The following CPAP variants were observed in gnomAD, a reference collection of about 807,000 sequenced individuals.
CPAP encodes centrosomal P4.1-associated protein.
At chr13:24,905,949 C>T in the CPAP span, 4 of 1,614,072 alleles carry the variant, frequency 2.5e-6, no homozygotes, top group African/African-American at 5.3e-5. Context: ...CTATTTGGAA[C>T]ACCTTCATCG....
At chr13:24,906,163 TGTCTTCTGTG>T in the CPAP span, 1 of 1,613,822 alleles carries the variant, frequency 6.2e-7, no homozygotes, top group Non-Finnish European at 8.5e-7. Flanking sequence ...CTGCCGGATT[TGTCTTCTGTG>T]GCACAGCTTT....
chr13:24,886,175 A>G, the CPAP span: 1 of 545,738 alleles, frequency 1.8e-6, no homozygotes, highest in Non-Finnish European at 3.2e-6. Flanking sequence ...CTCTAAAAAT[A>G]CACTGAAGTG....
the CPAP span, chr13:24,886,020 G>A: frequency 8.0e-6 from 3 of 376,544 alleles, no homozygotes; most frequent in Non-Finnish European, 1.5e-5. Flanking sequence ...AAATAACTGG[G>A]TATTTAGTTA....
the CPAP span, among the ~76,000 whole-genome samples, chr13:24,920,559 G>A: frequency 6.3e-4 from 96 of 151,512 alleles, no homozygotes; most frequent in Non-Finnish European, 3.5e-4. Context: ...AACAAAAATT[G>A]CTGCCACAGG....
chr13:24,899,590 A>T, the CPAP span: 2 of 1,612,042 alleles, frequency 1.2e-6, no homozygotes, highest in Non-Finnish European at 1.7e-6. Context: ...CTTTCCTAAA[A>T]TGACCAAACT....
chr13:24,911,537 T>C, the CPAP span, among the ~76,000 whole-genome samples: 7 of 152,072 alleles, frequency 4.6e-5, no homozygotes, highest in African/African-American at 1.4e-4. Context: ...TTTTCTTCTA[T>C]TGGACCTTTT....
At chr13:24,915,802 A>AAACAACAAC in the CPAP span, among the ~76,000 whole-genome samples, 3 of 151,840 alleles carry the variant, frequency 2.0e-5, no homozygotes, top group African/African-American at 7.3e-5. Context: ...TCCATCTCGA[A>AAACAACAAC]AACAACAACA....
At chr13:24,920,319 CAT>C in the CPAP span, among the ~76,000 whole-genome samples, 1 of 152,170 alleles carries the variant, frequency 6.6e-6, no homozygotes, top group African/African-American at 2.4e-5. Context: ...TGTTAAAAGA[CAT>C]AGAAGACAGT....
chr13:24,912,161 A>C, the CPAP span: 4 of 1,238,736 alleles, frequency 3.2e-6, no homozygotes, highest in Non-Finnish European at 3.5e-6. Context: ...CCCTCCTCCT[A>C]TCTTTCCTGG....
the CPAP span, among the ~76,000 whole-genome samples, chr13:24,930,772 A>T: frequency 2.0e-5 from 3 of 152,210 alleles, no homozygotes; most frequent in Admixed American, 6.5e-5. Context: ...TGTGATGAAC[A>T]TACTAGTGCA....
the CPAP span, chr13:24,933,051 G>A: frequency 3.8e-6 from 6 of 1,590,096 alleles, no homozygotes; most frequent in Admixed American, 3.3e-5. Flanking sequence ...TGAAAGTGAA[G>A]TACTTACCTC....
At chr13:24,889,088 A>T in the CPAP span, 1 of 536,104 alleles carries the variant, frequency 1.9e-6, no homozygotes, top group Non-Finnish European at 3.3e-6. Context: ...ATAACAATTT[A>T]TGAACGCAAC....
the CPAP span, among the ~76,000 whole-genome samples, chr13:24,898,864 T>G: frequency 6.6e-6 from 1 of 152,248 alleles, no homozygotes; most frequent in African/African-American, 2.4e-5. Context: ...GTCCAATATA[T>G]CCATTTTTTC....
chr13:24,907,822 T>C, the CPAP span, among the ~76,000 whole-genome samples: 1 of 152,242 alleles, frequency 6.6e-6, no homozygotes, highest in Non-Finnish European at 1.5e-5. Context: ...GAGAATACAA[T>C]GTCAAGGCAG....
the CPAP span, among the ~76,000 whole-genome samples, chr13:24,930,152 G>A: frequency 9.9e-5 from 15 of 151,746 alleles, no homozygotes; most frequent in African/African-American, 3.1e-4. Context: ...TGATCCTCCC[G>A]CCTTGGCCTC....
chr13:24,907,335 A>G, the CPAP span: 1 of 680,070 alleles, frequency 1.5e-6, no homozygotes, highest in Non-Finnish European at 2.6e-6. Flanking sequence ...GAACCTAACA[A>G]AAGCCACAAT....
chr13:24,903,343 G>A, the CPAP span, among the ~76,000 whole-genome samples: 1 of 152,166 alleles, frequency 6.6e-6, no homozygotes, highest in Non-Finnish European at 1.5e-5. Context: ...AAACCAATAT[G>A]ACCCTATCCT....
At chr13:24,888,277 A>G in the CPAP span, among the ~76,000 whole-genome samples, 2 of 152,160 alleles carry the variant, frequency 1.3e-5, no homozygotes, top group Non-Finnish European at 2.9e-5. Flanking sequence ...ACACAAACTG[A>G]AAAGCCAAAC....
the CPAP span, chr13:24,908,190 ATTC>A: frequency 1.7e-6 from 2 of 1,145,348 alleles, no homozygotes; most frequent in Non-Finnish European, 2.6e-6. Flanking sequence ...AAACATGAGA[ATTC>A]TACAAGTTAC....
Sources: allele counts gnomAD v4.1 joint callset (sites outside exome capture counted in the v4.1 genomes callset), GRCh38; gene constraint gnomAD v4.1.1; transcripts MANE v1.5; gene names NCBI Gene and HGNC (gene_info 2026-07-23, HGNC 2026-07-21).